MYO16: variants seen among roughly 807,000 people sequenced by gnomAD.
MYO16 encodes the protein myosin XVI, also known as unconventional myosin-XVI.
Under a neutral mutation model 205.3 loss-of-function variants are expected in MYO16, and 94 were observed. That is an observed-to-expected ratio of 0.46 (90% confidence interval 0.39 to 0.54). The LOEUF is 0.54. Among genes scored for constraint, MYO16 ranks in the 20% least tolerant of loss-of-function variants. The pLI is 0.00. For synonymous variants in MYO16, 988 were observed against 954.0 expected, an observed-to-expected ratio of 1.04 and a Z score of -0.66; for missense variants, 2,315 against 2,387.5, an observed-to-expected ratio of 0.97 and a Z score of 0.63.
chr13:108,521,746 G>A, the MYO16 span, among the ~76,000 whole-genome samples: 1 of 152,048 alleles, frequency 6.6e-6, no homozygotes, highest in East Asian at 1.9e-4. Flanking sequence ...AAATAGAATG[G>A]CTTTTCTTTC....
At chr13:108,935,964 A>G (rs1460387845) in intron 16 of MYO16, among the ~76,000 whole-genome samples, 5 of 151,980 alleles carry the variant, frequency 3.3e-5, no homozygotes, top group Non-Finnish European at 5.9e-5. Context: ...CCAAATTTTC[A>G]TCCCAGGAAT....
At chr13:108,967,151 A>ATGTGTGTGTG (rs1225470424) in intron 20 of MYO16, among the ~76,000 whole-genome samples, 7 of 132,122 alleles carry the variant, frequency 5.3e-5, no homozygotes, top group African/African-American at 2.1e-4. Context: ...TACTGACTAT[A>ATGTGTGTGTG]TATATGTGTG....
chr13:108,862,671 T>C (rs1236415639), intron 11 of MYO16, among the ~76,000 whole-genome samples: 1 of 152,234 alleles, frequency 6.6e-6, no homozygotes, highest in Non-Finnish European at 1.5e-5. Context: ...CCCCTAAGTT[T>C]GTTCTTAAAC....
intron 16 of MYO16, among the ~76,000 whole-genome samples, chr13:108,916,396 C>T (rs931741949): frequency 6.6e-6 from 1 of 152,220 alleles, no homozygotes; most frequent in African/African-American, 2.4e-5. Flanking sequence ...TAAATTGTCT[C>T]CACAACAATG....
At chr13:108,973,738 G>C (rs1281572120) in intron 20 of MYO16, among the ~76,000 whole-genome samples, 1 of 152,290 alleles carries the variant, frequency 6.6e-6, no homozygotes, top group East Asian at 1.9e-4. Flanking sequence ...TTCATCCCTA[G>C]CATCTGACAG....
chr13:108,546,180 TAGCAC>T, the MYO16 span, among the ~76,000 whole-genome samples: 3 of 152,254 alleles, frequency 2.0e-5, no homozygotes, highest in East Asian at 5.8e-4. Flanking sequence ...AGGGGCTACG[TAGCAC>T]AGCCTAGAAG....
chr13:108,548,241 T>C, the MYO16 span, among the ~76,000 whole-genome samples: 1 of 149,408 alleles, frequency 6.7e-6, no homozygotes, highest in Non-Finnish European at 1.5e-5. Flanking sequence ...GTGGTGGTGG[T>C]GGTGGCAGTG....
At position 109,125,086 on chromosome 13, in the gene MYO16, A is replaced by G. The variant is rs747833989; in HGVS notation, c.3536-26A>G. 1 of 1,607,270 alleles carries G rather than the reference A, an allele frequency of 6.2e-7. No homozygotes were observed. Among genetic ancestry groups the G allele is most frequent in the East Asian group, 2.2e-5 (1 of 44,814 alleles). On this transcript the variant is annotated intron_variant, in intron 29 of 34. Coordinates refer to ENST00000457511, the MANE Select transcript of MYO16 (RefSeq NM_001198950.3). This position sits in a 1 kb window ranked among gnomAD's most constrained non-coding sequence, Gnocchi z 4.0. The stretch of plus-strand genomic sequence containing the variant: ...TGAGTTTTTCACTTTTCCTCCATTT[A>G]CTAACCCATGATCCTTCTATAAAAG...
the MYO16 span, among the ~76,000 whole-genome samples, chr13:108,496,312 G>A: frequency 6.6e-6 from 1 of 152,228 alleles, no homozygotes; most frequent in Non-Finnish European, 1.5e-5. Context: ...GGAGATGGGG[G>A]AAGCGGCGTG....
At chr13:109,185,020 C>G (rs1318571429) in intron 34 of MYO16, among the ~76,000 whole-genome samples, 3 of 152,022 alleles carry the variant, frequency 2.0e-5, no homozygotes, top group Non-Finnish European at 4.4e-5. Context: ...AATGATTTGC[C>G]CCCCTCCCTC....
intron 4 of MYO16, among the ~76,000 whole-genome samples, chr13:108,751,375 C>T (rs8002045): frequency 0.031 from 4,738 of 151,680 alleles, 225 homozygotes; most frequent in African/African-American, 0.11. Flanking sequence ...CACACTGGAA[C>T]GATTTAAGCA....
At chr13:108,658,386 G>C (rs1301800499) in intron 1 of MYO16, among the ~76,000 whole-genome samples, 1 of 149,262 alleles carries the variant, frequency 6.7e-6, no homozygotes, top group Non-Finnish European at 1.5e-5. Context: ...TTAATTAATA[G>C]CATCATTTTA....
intron 34 of MYO16, among the ~76,000 whole-genome samples, chr13:109,204,635 C>T (rs1880526581): frequency 6.6e-6 from 1 of 152,206 alleles, no homozygotes; most frequent in South Asian, 2.1e-4. Flanking sequence ...AGCATATCTT[C>T]TTTTGAGAAT....
intron 4 of MYO16, among the ~76,000 whole-genome samples, chr13:108,762,076 T>C (rs544789465): frequency 8.5e-5 from 13 of 152,346 alleles, no homozygotes; most frequent in Admixed American, 5.9e-4. Flanking sequence ...TAGCTCCCAT[T>C]TATAAGTGAG....
intron 11 of MYO16, among the ~76,000 whole-genome samples, chr13:108,856,145 C>A (rs1555306007): frequency 2.0e-5 from 3 of 152,208 alleles, no homozygotes; most frequent in Non-Finnish European, 2.9e-5. Context: ...TTTCCCAGCA[C>A]TGATAACAGT....
intron 25 of MYO16, 147 bp from the exon 26 acceptor site, chr13:109,054,899 C>T (rs1887361710): frequency 5.8e-6 from 3 of 519,904 alleles, no homozygotes; most frequent in Non-Finnish European, 1.0e-5. Flanking sequence ...TTCCTTTCTT[C>T]CTCCTTCTTT....
At chr13:109,190,626 T>TA (rs761101119) in intron 34 of MYO16, among the ~76,000 whole-genome samples, 23 of 152,220 alleles carry the variant, frequency 1.5e-4, no homozygotes, top group Non-Finnish European at 2.9e-4. Context: ...AATCCCATGT[T>TA]AAAAATGTAT....
chr13:108,921,779 A>G (rs1480809877), intron 16 of MYO16, among the ~76,000 whole-genome samples: 1 of 152,182 alleles, frequency 6.6e-6, no homozygotes, highest in African/African-American at 2.4e-5. Flanking sequence ...AGTTTACTTA[A>G]TCCAGGATCT....
chr13:108,896,355 A>G (rs1325689269), intron 14 of MYO16, among the ~76,000 whole-genome samples: 4 of 152,130 alleles, frequency 2.6e-5, no homozygotes, highest in Non-Finnish European at 5.9e-5. Context: ...ACAAAAACGA[A>G]GAGTTACTAA....
Sources: allele counts gnomAD v4.1 joint callset (sites outside exome capture counted in the v4.1 genomes callset), GRCh38; gene constraint gnomAD v4.1.1; non-coding constraint Gnocchi (gnomAD v3.1); transcripts MANE v1.5; gene names NCBI Gene and HGNC (gene_info 2026-07-23, HGNC 2026-07-21).